The following XPNPEP3 variants were observed in gnomAD, a reference collection of about 807,000 sequenced individuals.
XPNPEP3 encodes the protein xaa-Pro aminopeptidase 3.
A neutral mutation model predicts 60.0 loss-of-function variants in XPNPEP3; 41 were observed. That is an observed-to-expected ratio of 0.68 (90% CI 0.53 to 0.89). XPNPEP3 has a LOEUF of 0.89. Ranked by LOEUF, XPNPEP3 falls within the 40% of genes least tolerant of loss-of-function variation. The pLI is 0.00. For synonymous variants in XPNPEP3, 212 were observed against 223.2 expected (o/e 0.95, Z 0.45); for missense variants, 598 against 638.9 (o/e 0.94, Z 0.69).
At chr22:40,922,593 A>T in intron 8 of XPNPEP3, 80 bp downstream of exon 8, 1 of 1,507,248 alleles carries the variant, frequency 6.6e-7, no homozygotes. Flanking sequence ...AGCTAATTAG[A>T]CTTAGAAATG....
At chr22:40,923,898 G>A (rs1465331271) in intron 8 of XPNPEP3, among the ~76,000 whole-genome samples, 2 of 152,010 alleles carry the variant, frequency 1.3e-5, no homozygotes, top group Non-Finnish European at 2.9e-5. Flanking sequence ...CCAAAAGTGT[G>A]CCTTCTCCAC....
chr22:40,923,204 C>T (rs1196205662), intron 8 of XPNPEP3, among the ~76,000 whole-genome samples: 1 of 150,698 alleles, frequency 6.6e-6, no homozygotes, highest in African/African-American at 2.4e-5. Flanking sequence ...CAGAACAAGG[C>T]CCTGTGTCTA....
intron 4 of XPNPEP3, among the ~76,000 whole-genome samples, chr22:40,905,291 A>T (rs1471784735): frequency 1.3e-5 from 2 of 152,108 alleles, no homozygotes; most frequent in Non-Finnish European, 1.5e-5. Context: ...TGTGTTAGCC[A>T]GGATGATCTT....
At chr22:40,911,532 T>C (rs1270692457) in intron 6 of XPNPEP3, among the ~76,000 whole-genome samples, 1 of 151,858 alleles carries the variant, frequency 6.6e-6, no homozygotes, top group Non-Finnish European at 1.5e-5. Context: ...AGGCATTTTC[T>C]TTCTTCTTGC....
chr22:40,898,615 A>G (rs1185721634), intron 4 of XPNPEP3, among the ~76,000 whole-genome samples: 1 of 152,058 alleles, frequency 6.6e-6, no homozygotes, highest in Admixed American at 6.6e-5. Flanking sequence ...ATTCTTTTTC[A>G]TGCCCCATTT....
chr22:40,921,338 A>G (rs1433418884), intron 7 of XPNPEP3, among the ~76,000 whole-genome samples: 3 of 152,116 alleles, frequency 2.0e-5, no homozygotes, highest in African/African-American at 7.2e-5. Flanking sequence ...CAGCTTCAAT[A>G]GGTTTGGTAC....
At chr22:40,904,226 C>T (rs1411494207) in intron 4 of XPNPEP3, among the ~76,000 whole-genome samples, 2 of 152,152 alleles carry the variant, frequency 1.3e-5, no homozygotes, top group African/African-American at 2.4e-5. Flanking sequence ...AGCATTTGAA[C>T]TGCATATCAT....
intron 4 of XPNPEP3, among the ~76,000 whole-genome samples, chr22:40,906,326 C>T (rs1005549801): frequency 1.2e-4 from 18 of 150,876 alleles, no homozygotes; most frequent in Non-Finnish European, 2.9e-5. Context: ...GAGGCTAAGG[C>T]GGGAGGATCA....
intron 4 of XPNPEP3, among the ~76,000 whole-genome samples, chr22:40,903,877 C>CAT (rs1725569223): frequency 1.5e-4 from 1 of 6,610 alleles, no homozygotes. Flanking sequence ...CTCTCTGTCA[C>CAT]ACACACACAC....
intron 4 of XPNPEP3, among the ~76,000 whole-genome samples, chr22:40,892,549 T>C (rs1166126120): frequency 6.6e-6 from 1 of 152,168 alleles, no homozygotes; most frequent in Admixed American, 6.5e-5. Flanking sequence ...CAGTTGCTCC[T>C]AGCCTGGCTC....
At chr22:40,870,686 T>G (rs2058000719) in intron 2 of XPNPEP3, among the ~76,000 whole-genome samples, 1 of 152,144 alleles carries the variant, frequency 6.6e-6, no homozygotes, top group Non-Finnish European at 1.5e-5. Context: ...GTGGAAGTGT[T>G]AAAGTGATTG....
chr22:40,902,142 G>C (rs1417953702), intron 4 of XPNPEP3, among the ~76,000 whole-genome samples: 1 of 144,956 alleles, frequency 6.9e-6, no homozygotes, highest in Non-Finnish European at 1.5e-5. Context: ...GCGTGATCTC[G>C]GCTCACTGCA....
intron 1 of XPNPEP3, among the ~76,000 whole-genome samples, chr22:40,867,063 C>G (rs2057982158): frequency 6.6e-6 from 1 of 152,162 alleles, no homozygotes; most frequent in African/African-American, 2.4e-5. Flanking sequence ...GCCTACTCCA[C>G]CAGTGGGTTA....
At chr22:40,878,840 G>A (rs531815063) in intron 2 of XPNPEP3, among the ~76,000 whole-genome samples, 26 of 152,068 alleles carry the variant, frequency 1.7e-4, no homozygotes, top group African/African-American at 4.8e-4. Context: ...TGCCTGCCTC[G>A]GCCTCTCAAA....
intron 4 of XPNPEP3, among the ~76,000 whole-genome samples, chr22:40,906,881 A>G (rs2146269147): frequency 6.6e-6 from 1 of 152,312 alleles, no homozygotes; most frequent in Admixed American, 6.5e-5. Flanking sequence ...GTGAAGGGAA[A>G]TTCCTGATAG....
At chr22:40,904,336 G>A (rs1177218633) in intron 4 of XPNPEP3, among the ~76,000 whole-genome samples, 2 of 152,182 alleles carry the variant, frequency 1.3e-5, no homozygotes, top group Non-Finnish European at 2.9e-5. Flanking sequence ...CTAGGAAGGA[G>A]GAGGAACTTT....
At chr22:40,857,487 C>T (rs972861662) in intron 1 of XPNPEP3, among the ~76,000 whole-genome samples, 1 of 152,236 alleles carries the variant, frequency 6.6e-6, no homozygotes, top group African/African-American at 2.4e-5. Flanking sequence ...GTGCCATCCC[C>T]CAGAGGGGCT....
intron 4 of XPNPEP3, among the ~76,000 whole-genome samples, chr22:40,896,550 C>T (rs1050819067): frequency 6.6e-6 from 1 of 151,696 alleles, no homozygotes; most frequent in African/African-American, 2.4e-5. Flanking sequence ...CCTGTAATCC[C>T]AGCAACTTGG....
chr22:40,884,397 TCG>T (rs1238507634), intron 3 of XPNPEP3, among the ~76,000 whole-genome samples: 12 of 151,396 alleles, frequency 7.9e-5, no homozygotes, highest in Non-Finnish European at 1.8e-4. Flanking sequence ...TGGCACCATC[TCG>T]GCTCACTGCA....
Sources: gnomAD v4.1 joint callset for allele counts (sites outside exome capture counted in the v4.1 genomes callset) on GRCh38, gnomAD v4.1.1 for gene constraint, MANE v1.5 for transcripts, NCBI Gene and HGNC (gene_info 2026-07-23, HGNC 2026-07-21) for gene names.